GPC5: variants seen among roughly 807,000 people sequenced by gnomAD.
GPC5 encodes the protein glypican 5.
A neutral mutation model predicts 53.9 loss-of-function variants in GPC5; 47 were observed. That is an observed-to-expected ratio of 0.87 (90% confidence interval 0.69 to 1.11). The LOEUF (loss-of-function observed/expected upper bound fraction) is 1.11. Ranked by LOEUF, GPC5 falls within the 50% of genes most tolerant of loss-of-function variation. The probability of loss-of-function intolerance (pLI) is 0.00; values close to 1 mark genes in which losing one functional copy is unlikely to be tolerated. For missense variants in GPC5, 748 were observed against 713.1 expected (o/e 1.05, Z -0.56); for synonymous variants, 286 against 263.3 (o/e 1.09, Z -0.84).
intron 7 of GPC5, among the ~76,000 whole-genome samples, chr13:92,676,854 G>T (rs1161094863): frequency 6.6e-6 from 1 of 152,036 alleles, no homozygotes; most frequent in African/African-American, 2.4e-5. Context: ...ATATAATTGA[G>T]ACCAGTTGTT....
At chr13:92,243,579 G>T (rs2042629393) in intron 7 of GPC5, among the ~76,000 whole-genome samples, 1 of 152,216 alleles carries the variant, frequency 6.6e-6, no homozygotes, top group Non-Finnish European at 1.5e-5. Context: ...GGAATCAAAA[G>T]TTACTCCACA....
At chr13:91,495,903 A>G (rs966901238) in intron 2 of GPC5, among the ~76,000 whole-genome samples, 1 of 152,084 alleles carries the variant, frequency 6.6e-6, no homozygotes, top group Non-Finnish European at 1.5e-5. Flanking sequence ...GGTGCCTGTA[A>G]TCCCAGCTAC....
intron 2 of GPC5, among the ~76,000 whole-genome samples, chr13:91,529,990 A>G (rs1280539712): frequency 6.6e-6 from 1 of 152,066 alleles, no homozygotes; most frequent in Non-Finnish European, 1.5e-5. Flanking sequence ...GTGACATATC[A>G]TAGGAAGCTA....
At chr13:91,435,434 C>T (rs7337852) in intron 1 of GPC5, among the ~76,000 whole-genome samples, 101,368 of 152,018 alleles carry the variant, frequency 0.67, 34,446 homozygotes, top group African/African-American at 0.78. Flanking sequence ...TCTGCATCTA[C>T]TGAGATAATC....
At chr13:92,248,964 G>A (rs1418906356) in intron 7 of GPC5, among the ~76,000 whole-genome samples, 1 of 151,860 alleles carries the variant, frequency 6.6e-6, no homozygotes, top group East Asian at 1.9e-4. Flanking sequence ...GCAGATACAA[G>A]GATTATTTTA....
intron 7 of GPC5, among the ~76,000 whole-genome samples, chr13:92,258,579 T>G (rs1403240222): frequency 6.6e-6 from 1 of 152,184 alleles, no homozygotes; most frequent in Non-Finnish European, 1.5e-5. Flanking sequence ...TTTGGATTTA[T>G]TTCTATAAGA....
chr13:92,826,159 C>T (rs1877840509), intron 7 of GPC5, among the ~76,000 whole-genome samples: 1 of 152,026 alleles, frequency 6.6e-6, no homozygotes, highest in African/African-American at 2.4e-5. Context: ...GGTTAGATCA[C>T]GTTACCAGGC....
chr13:91,850,907 A>G (rs1262185125), intron 5 of GPC5, among the ~76,000 whole-genome samples: 1 of 152,172 alleles, frequency 6.6e-6, no homozygotes, highest in African/African-American at 2.4e-5. Context: ...TGGAATATGA[A>G]TAGTCATTTT....
intron 5 of GPC5, among the ~76,000 whole-genome samples, chr13:91,826,984 C>T (rs1017510931): frequency 3.3e-5 from 5 of 151,618 alleles, no homozygotes; most frequent in African/African-American, 9.7e-5. Flanking sequence ...GTAGAAAAAA[C>T]GTAGTTAGAC....
intron 7 of GPC5, among the ~76,000 whole-genome samples, chr13:92,761,102 A>G (rs1021775260): frequency 3.9e-5 from 6 of 152,142 alleles, no homozygotes; most frequent in African/African-American, 1.4e-4. Flanking sequence ...TGCACTAAAG[A>G]AGAATGTGTA....
chr13:92,102,190 C>CA (rs2041472642), intron 6 of GPC5, among the ~76,000 whole-genome samples: 1 of 150,732 alleles, frequency 6.6e-6, no homozygotes. Flanking sequence ...GAGGGAGATA[C>CA]AATATAAGAG....
chr13:91,898,646 A>C (rs1288572467), intron 5 of GPC5, among the ~76,000 whole-genome samples: 1 of 151,240 alleles, frequency 6.6e-6, no homozygotes, highest in Non-Finnish European at 1.5e-5. Context: ...GATCCTTTCC[A>C]GCTCTAAATT....
chr13:92,050,171 A>C (rs2041015676), intron 6 of GPC5, among the ~76,000 whole-genome samples: 1 of 152,216 alleles, frequency 6.6e-6, no homozygotes, highest in Non-Finnish European at 1.5e-5. Context: ...TTCTTAGCAC[A>C]TGGTACATCA....
At chr13:91,748,055 C>A (rs1386638866) in intron 4 of GPC5, among the ~76,000 whole-genome samples, 1 of 152,180 alleles carries the variant, frequency 6.6e-6, no homozygotes, top group Non-Finnish European at 1.5e-5. Context: ...TGAGGGAGAA[C>A]TCCAGGTGTA....
At chr13:92,202,152 T>G (rs2042299798) in intron 7 of GPC5, among the ~76,000 whole-genome samples, 1 of 152,208 alleles carries the variant, frequency 6.6e-6, no homozygotes, top group Admixed American at 6.5e-5. Context: ...TATTATTCAT[T>G]TTAAGAATGA....
intron 7 of GPC5, among the ~76,000 whole-genome samples, chr13:92,491,470 A>G (rs534475560): frequency 3.8e-4 from 58 of 152,292 alleles, no homozygotes; most frequent in Admixed American, 3.7e-3. Context: ...TTGATGCTAT[A>G]GAAACATATT....
At chr13:92,381,911 T>TATATATATCATATATATCATATATATC (rs1566565366) in intron 7 of GPC5, among the ~76,000 whole-genome samples, 4 of 135,826 alleles carry the variant, frequency 2.9e-5, no homozygotes, top group East Asian at 4.1e-4. Flanking sequence ...ATATATATGA[T>TATATATATCATATATATCATATATATC]ATATATAATC....
At chr13:92,071,906 A>G (rs1254057848) in intron 6 of GPC5, among the ~76,000 whole-genome samples, 1 of 146,646 alleles carries the variant, frequency 6.8e-6, no homozygotes, top group African/African-American at 2.5e-5. Context: ...TATTTTATAC[A>G]TATATGTATA....
At chr13:92,529,217 T>C (rs1202765977) in intron 7 of GPC5, among the ~76,000 whole-genome samples, 1 of 152,120 alleles carries the variant, frequency 6.6e-6, no homozygotes, top group African/African-American at 2.4e-5. Flanking sequence ...GCCCAATATT[T>C]TAAAATTCTC....
Sources: allele counts gnomAD v4.1 joint callset (sites outside exome capture counted in the v4.1 genomes callset), GRCh38; gene constraint gnomAD v4.1.1; transcripts MANE v1.5; gene names NCBI Gene and HGNC (gene_info 2026-07-23, HGNC 2026-07-21).